Variants in STAT5B observed in about 807,000 individuals in gnomAD.
STAT5B encodes signal transducer and activator of transcription 5B, also known as transcription factor STAT5B.
Under a neutral mutation model 107.8 loss-of-function variants are expected in STAT5B, and 21 were observed. That is an observed-to-expected ratio of 0.19 (90% confidence interval 0.14 to 0.28). STAT5B has a LOEUF of 0.28. STAT5B is among the 10% of genes least tolerant of loss of function. The pLI, the probability that STAT5B is intolerant of heterozygous loss-of-function variation, is 1.00. For synonymous variants in STAT5B, 325 were observed against 401.7 expected (o/e 0.81, Z 2.28); for missense variants, 565 against 1,008.2 (o/e 0.56, Z 5.95).
At chr17:42,225,973 C>A (rs2144275376) in intron 3 of STAT5B, among the ~76,000 whole-genome samples, 1 of 152,222 alleles carries the variant, frequency 6.6e-6, no homozygotes, top group Middle Eastern at 3.4e-3. Flanking sequence ...TCACTCTTGT[C>A]ACCCAGGCTG....
chr17:42,223,027 A>G (rs1211625922), intron 5 of STAT5B, among the ~76,000 whole-genome samples: 1 of 152,100 alleles, frequency 6.6e-6, no homozygotes, highest in Non-Finnish European at 1.5e-5. Context: ...CCTATTTATC[A>G]TTTCAATAAA....
At chr17:42,228,172 T>C (rs2080289692) in intron 2 of STAT5B, among the ~76,000 whole-genome samples, 1 of 152,214 alleles carries the variant, frequency 6.6e-6, no homozygotes, top group Non-Finnish European at 1.5e-5. Flanking sequence ...AAACAAGTTA[T>C]TGCTATTTCT....
chr17:42,217,452 G>C lies in STAT5B; in HGVS notation c.1182C>G (p.Gly394=). 6.2e-7 allele frequency: 1 copy of C among 1,614,132 alleles called. No individual in the cohort carries two copies. Among genetic ancestry groups the C allele is most frequent in the Non-Finnish European group, 8.5e-7 (1 of 1,180,022 alleles). ...TGACGCAGCAGTTGTTCAAGATCTC[G>C]CCACTGTAATCACTGCAAATCAGAG... ...KNENTRNDYS[G]EILNNCCVME... is the part of the protein sequence containing the mutation. The change falls in exon 10 of 19, where the codon GGC becomes GGG. Residue 394 remains glycine, a synonymous_variant. Coordinates refer to ENST00000293328, the MANE Select transcript of STAT5B (RefSeq NM_012448.4).
At chr17:42,272,981 T>C (rs2080733139) in intron 1 of STAT5B, among the ~76,000 whole-genome samples, 1 of 152,198 alleles carries the variant, frequency 6.6e-6, no homozygotes, top group African/African-American at 2.4e-5. Context: ...CAAACTGACA[T>C]AGGCTTTTCA....
intron 1 of STAT5B, chr17:42,269,826 T>C (rs2080706891): frequency 6.7e-6 from 1 of 149,856 alleles, no homozygotes; most frequent in African/African-American, 2.5e-5. Flanking sequence ...AAAGTAAGCA[T>C]CATAAATGAA....
intron 1 of STAT5B, among the ~76,000 whole-genome samples, chr17:42,252,144 G>A (rs2080505737): frequency 6.6e-6 from 1 of 152,138 alleles, no homozygotes; most frequent in Non-Finnish European, 1.5e-5. Context: ...GATACAGAAG[G>A]CAACTTCTGA....
chr17:42,206,490 T>C (rs147103104), intron 16 of STAT5B, among the ~76,000 whole-genome samples: 83 of 152,328 alleles, frequency 5.4e-4, no homozygotes, highest in African/African-American at 1.9e-3. Flanking sequence ...CATATCTATA[T>C]ATAGAGTGCA....
At chr17:42,218,953 C>T in intron 7 of STAT5B, 75 bp from the exon 8 acceptor site, 12 of 1,612,412 alleles carry the variant, frequency 7.4e-6, no homozygotes, top group Non-Finnish European at 9.3e-6. Context: ...GACACAGCTC[C>T]CGTTCCCCCA....
At chr17:42,210,705 C>T (rs1327259184) in intron 13 of STAT5B, 3 of 559,014 alleles carry the variant, frequency 5.4e-6, no homozygotes, top group Non-Finnish European at 6.5e-6. Context: ...CAGTTACCAG[C>T]ACCCAGTGGG....
the STAT5B span, among the ~76,000 whole-genome samples, chr17:42,286,952 G>A: frequency 2.2e-4 from 33 of 152,270 alleles, no homozygotes; most frequent in African/African-American, 7.9e-4. Flanking sequence ...TGACCCCCTA[G>A]CTCTGTGTCT....
rs916154323 is a variant in STAT5B at position 42,201,583 on chromosome 17, G to A, written c.*155C>T. On this transcript the variant is annotated 3_prime_UTR_variant, in exon 19 of 19. Coordinates refer to ENST00000293328, the MANE Select transcript of STAT5B (RefSeq NM_012448.4). Reference sequence around the variant, plus strand: ...ACATACTCGCACTCCCTTCGCTGGTGCCACCATGCACAGAAACACTAAGGT... The same window carrying A: ...ACATACTCGCACTCCCTTCGCTGGTACCACCATGCACAGAAACACTAAGGT... The A allele has an allele frequency of 5.6e-6, 4 of 710,652 alleles. No homozygotes were observed. Among genetic ancestry groups the A allele is most frequent in the Non-Finnish European group, 1.0e-5 (4 of 389,714 alleles). The allele number at this position is 710,652 out of a possible 1,614,324, so 44.0% of individuals were successfully genotyped here.
intron 2 of STAT5B, among the ~76,000 whole-genome samples, chr17:42,230,174 T>G (rs1170579329): frequency 2.6e-5 from 4 of 151,590 alleles, no homozygotes; most frequent in African/African-American, 4.8e-5. Flanking sequence ...TGAAGTTGAG[T>G]TTTTTTTTAA....
intron 1 of STAT5B, chr17:42,272,508 G>C (rs1269645856): frequency 6.6e-6 from 1 of 152,174 alleles, no homozygotes; most frequent in Admixed American, 6.5e-5. Context: ...GCTGTTCTAA[G>C]ACTCCTTCCA....
intron 9 of STAT5B, chr17:42,217,689 C>CTT (rs370849128): frequency 2.1e-3 from 924 of 435,750 alleles, no homozygotes; most frequent in Middle Eastern, 2.8e-3. Context: ...CCTAAGAGAA[C>CTT]TTTTTTTTTT....
chr17:42,264,677 T>C (rs1393561601), intron 1 of STAT5B, among the ~76,000 whole-genome samples: 2 of 151,228 alleles, frequency 1.3e-5, no homozygotes, highest in Middle Eastern at 3.2e-3. Context: ...TACGTGTGCA[T>C]GTGTCTTTAT....
At chr17:42,242,058 G>A (rs902159445) in intron 1 of STAT5B, among the ~76,000 whole-genome samples, 4 of 152,022 alleles carry the variant, frequency 2.6e-5, no homozygotes, top group African/African-American at 4.8e-5. Context: ...ATAGTATTCT[G>A]GGAAGACAAT....
chr17:42,268,129 C>T (rs2080690221), intron 1 of STAT5B, among the ~76,000 whole-genome samples: 1 of 152,138 alleles, frequency 6.6e-6, no homozygotes. Context: ...CACATTCACT[C>T]ACCATTCACC....
upstream of STAT5B, among the ~76,000 whole-genome samples, chr17:42,277,136 C>T (rs1457945185): frequency 1.3e-5 from 2 of 152,158 alleles, no homozygotes; most frequent in Non-Finnish European, 2.9e-5. Flanking sequence ...GAAGGGGGTC[C>T]CCCAGATCCT....
intron 1 of STAT5B, among the ~76,000 whole-genome samples, chr17:42,239,312 A>G (rs946049221): frequency 5.9e-5 from 9 of 151,878 alleles, no homozygotes; most frequent in Admixed American, 2.0e-4. Flanking sequence ...ATGTTGTTGA[A>G]CAGAGAGGAC....
Sources: gnomAD v4.1 joint callset for allele counts (sites outside exome capture counted in the v4.1 genomes callset) on GRCh38, gnomAD v4.1.1 for gene constraint, MANE v1.5 for transcripts, NCBI Gene and HGNC (gene_info 2026-07-23, HGNC 2026-07-21) for gene names.